The following SEC22A variants were observed in gnomAD, a reference collection of about 807,000 sequenced individuals.
SEC22A encodes the protein vesicle-trafficking protein SEC22a.
A neutral mutation model predicts 35.3 loss-of-function variants in SEC22A; 22 were observed. That is an observed-to-expected ratio of 0.62 (90% confidence interval 0.45 to 0.89). The LOEUF is 0.89. Among genes scored for constraint, SEC22A ranks in the 40% least tolerant of loss-of-function variants. SEC22A has a pLI of 0.00. For synonymous variants in SEC22A, 119 were observed against 129.5 expected (o/e 0.92, Z 0.55); for missense variants, 354 against 362.5 (o/e 0.98, Z 0.19).
At chr3:123,244,118 G>C (rs1346267829) in intron 4 of SEC22A, among the ~76,000 whole-genome samples, 1 of 143,286 alleles carries the variant, frequency 7.0e-6, no homozygotes, top group Non-Finnish European at 1.5e-5. Flanking sequence ...TTTTACTGAA[G>C]TAAAAAAAAT....
At chr3:123,233,296 C>T (rs531696164) in intron 4 of SEC22A, among the ~76,000 whole-genome samples, 3 of 152,198 alleles carry the variant, frequency 2.0e-5, no homozygotes, top group East Asian at 1.9e-4. Context: ...GTAGCCAGTA[C>T]GATAACATGC....
chr3:123,225,304 T>A lies in SEC22A; in HGVS notation c.541+7T>A. 6.6e-7 allele frequency: 1 copy of A among 1,519,662 alleles called. No homozygotes were observed. Among genetic ancestry groups the A allele is most frequent in the Non-Finnish European group, 8.9e-7 (1 of 1,123,088 alleles). 94.1% of individuals were successfully genotyped at this position (1,519,662 alleles called of 1,614,324 possible). On this transcript the variant is annotated splice_region_variant and intron_variant, in intron 4 of 6. Transcript: ENST00000492595. ...GCTGGTAAGATTTCTTCTGGTGAGT[T>A]CTGGATCTCAGTTATTTTATTTTAA...
chr3:123,269,849 G>T lies in SEC22A; in HGVS notation c.724-1673G>T, dbSNP rs188329621. Among the ~76,000 whole-genome samples the T allele has an allele frequency of 3.2e-4, 48 of 152,108 alleles. 1 individual carries two copies. The East Asian group carries it at 8.9e-3, about 28-fold the overall frequency. On this transcript the variant is annotated intron_variant, in intron 6 of 6. Coordinates refer to ENST00000492595, the MANE Select transcript of SEC22A (RefSeq NM_012430.5). ...GGGTTTCACTGTGTTAGCCAGGATGGTCTCAATCTCCTGACCTCGTGATCC... is the reference window on the plus strand; with the variant it reads ...GGGTTTCACTGTGTTAGCCAGGATGTTCTCAATCTCCTGACCTCGTGATCC...
At chr3:123,256,208 C>G (rs1365153460) in intron 5 of SEC22A, among the ~76,000 whole-genome samples, 1 of 152,054 alleles carries the variant, frequency 6.6e-6, no homozygotes, top group Admixed American at 6.6e-5. Context: ...TTGTCATAGG[C>G]CTTTCATTTA....
At chr3:123,243,934 T>C (rs1306765384) in intron 4 of SEC22A, 1 of 152,196 alleles carries the variant, frequency 6.6e-6, no homozygotes, top group East Asian at 1.9e-4. Flanking sequence ...AAGGCAATAA[T>C]AACAAAAGCA....
rs553759227 is a variant in SEC22A at position 123,263,739 on chromosome 3, C to T, written c.723+4150C>T. Among the ~76,000 whole-genome samples, 6 of 152,198 alleles carry T rather than the reference C, an allele frequency of 3.9e-5. No individual in the cohort carries two copies. In the South Asian group the frequency reaches 1.2e-3, roughly 32 times the overall value. On this transcript the variant is annotated intron_variant, in intron 6 of 6. Coordinates refer to ENST00000492595, the MANE Select transcript of SEC22A (RefSeq NM_012430.5). Reference sequence around the variant, plus strand: ...ATGTTGGTCAGGCAACTTCTGACCTCGTGATCCGCCCACCTCAGCCTCCCA... The same window carrying T: ...ATGTTGGTCAGGCAACTTCTGACCTTGTGATCCGCCCACCTCAGCCTCCCA...
intron 6 of SEC22A, among the ~76,000 whole-genome samples, chr3:123,262,797 T>C (rs1937922936): frequency 6.6e-6 from 1 of 152,218 alleles, no homozygotes; most frequent in African/African-American, 2.4e-5. Context: ...GGAGCTTCTG[T>C]AGTTGTTTTT....
chr3:123,234,675 T>C (rs986068089), intron 4 of SEC22A, among the ~76,000 whole-genome samples: 2 of 152,166 alleles, frequency 1.3e-5, no homozygotes, highest in African/African-American at 4.8e-5. Flanking sequence ...CATATAAATC[T>C]TTGTATAATC....
intron 5 of SEC22A, among the ~76,000 whole-genome samples, chr3:123,248,814 C>A (rs1239808420): frequency 6.6e-6 from 1 of 152,226 alleles, no homozygotes; most frequent in Non-Finnish European, 1.5e-5. Context: ...CTCAATACTT[C>A]CAGAGCTTCA....
chr3:123,238,330 T>G (rs1383450298), intron 4 of SEC22A, among the ~76,000 whole-genome samples: 1 of 151,924 alleles, frequency 6.6e-6, no homozygotes, highest in Non-Finnish European at 1.5e-5. Context: ...TCCCGAGTAG[T>G]TGGGATACAG....
At chr3:123,202,185 G>T (rs1240366711) in intron 1 of SEC22A, 199 bp downstream of exon 1, 1 of 152,848 alleles carries the variant, frequency 6.5e-6, no homozygotes, top group Non-Finnish European at 1.5e-5. Flanking sequence ...GGAGGGACGG[G>T]CAAGCGGGGA....
At chr3:123,270,055 A>C (rs1313811722) in intron 6 of SEC22A, among the ~76,000 whole-genome samples, 1 of 152,214 alleles carries the variant, frequency 6.6e-6, no homozygotes, top group Non-Finnish European at 1.5e-5. Context: ...GACAATGGGC[A>C]AAATCTGAAT....
intron 2 of SEC22A, among the ~76,000 whole-genome samples, chr3:123,213,385 A>T (rs1936972378): frequency 6.6e-6 from 1 of 152,212 alleles, no homozygotes. Flanking sequence ...TAAAACTCAC[A>T]GGTCTGCTGT....
intron 2 of SEC22A, among the ~76,000 whole-genome samples, chr3:123,217,803 CTG>C (rs771963253): frequency 1.3e-5 from 2 of 152,194 alleles, no homozygotes; most frequent in Non-Finnish European, 2.9e-5. Flanking sequence ...TTGTAAATCA[CTG>C]TGATAAGCAC....
intron 4 of SEC22A, among the ~76,000 whole-genome samples, chr3:123,228,292 G>A (rs1288838348): frequency 2.6e-5 from 4 of 151,604 alleles, no homozygotes; most frequent in African/African-American, 7.3e-5. Context: ...ATGGCCAGGT[G>A]TGGAGGCTCA....
intron 2 of SEC22A, 144 bp from the exon 3 acceptor site, chr3:123,223,415 A>T (rs926306238): frequency 1.1e-5 from 7 of 631,176 alleles, no homozygotes; most frequent in African/African-American, 3.7e-5. Context: ...GTTCCTTTAA[A>T]TTTTTTCCTA....
At chr3:123,210,854 G>A (rs1322657546) in intron 2 of SEC22A, among the ~76,000 whole-genome samples, 2 of 152,156 alleles carry the variant, frequency 1.3e-5, no homozygotes, top group African/African-American at 4.8e-5. Flanking sequence ...CAGGGAGGAG[G>A]GCATTCCAGG....
intron 4 of SEC22A, 80 bp downstream of exon 4, chr3:123,225,377 A>G (rs993905737): frequency 9.7e-6 from 8 of 824,770 alleles, no homozygotes; most frequent in South Asian, 2.2e-5. Context: ...GAATTACTTT[A>G]TTCTAATATT....
At chr3:123,214,755 C>T (rs569736858) in intron 2 of SEC22A, among the ~76,000 whole-genome samples, 1 of 152,264 alleles carries the variant, frequency 6.6e-6, no homozygotes, top group South Asian at 2.1e-4. Context: ...TTTGAAATCT[C>T]TTTATTTAAA....
Sources: gnomAD v4.1 joint callset for allele counts (sites outside exome capture counted in the v4.1 genomes callset) on GRCh38, gnomAD v4.1.1 for gene constraint, MANE v1.5 for transcripts, NCBI Gene and HGNC (gene_info 2026-07-23, HGNC 2026-07-21) for gene names.